RELN: variants seen among roughly 807,000 people sequenced by gnomAD.
RELN encodes the protein reelin.
RELN carries 108 observed loss-of-function variants against 427.6 expected under a neutral mutation model. The observed-to-expected ratio is 0.25, with a 90% CI of 0.22 to 0.30. The LOEUF (loss-of-function observed/expected upper bound fraction) is 0.30, where lower values mean the gene tolerates loss of function less well. Among genes scored for constraint, RELN ranks in the 10% least tolerant of loss-of-function variants. The probability of loss-of-function intolerance (pLI) is 1.00; values close to 1 mark genes in which losing one functional copy is unlikely to be tolerated. For synonymous variants in RELN, 1,524 were observed against 1,513.4 expected (o/e 1.01, Z -0.16); for missense variants, 3,715 against 4,302.8 (o/e 0.86, Z 3.82).
intron 3 of RELN, among the ~76,000 whole-genome samples, chr7:103,805,877 C>T (rs372490469): frequency 6.6e-6 from 1 of 152,112 alleles, no homozygotes; most frequent in Non-Finnish European, 1.5e-5. Flanking sequence ...ATCCCAAGAG[C>T]CTTTCTTAAC....
intron 24 of RELN, among the ~76,000 whole-genome samples, chr7:103,601,642 G>C (rs1831670884): frequency 6.6e-6 from 1 of 152,160 alleles, no homozygotes; most frequent in South Asian, 2.1e-4. Context: ...ATTAGGGTTA[G>C]ACACATTGCT....
At position 103,551,213 on chromosome 7, in the gene RELN, G is replaced by A. The variant is rs2117153360; in HGVS notation, c.6156C>T (p.His2052=). 1 of 1,614,110 alleles carries A rather than the reference G, an allele frequency of 6.2e-7. No homozygotes were observed. The highest frequency in any genetic ancestry group is 1.1e-5 in the South Asian group (1 of 91,070). The change falls in exon 41 of 65, where the codon CAC becomes CAT. Residue 2052 remains histidine (H), a synonymous_variant. Coordinates refer to ENST00000428762, the MANE Select transcript of RELN (RefSeq NM_005045.4). Reference sequence around the variant, plus strand: ...TGTGGTAGCAGAGGGGCAGCAGAAGGTGCCAGGTCGCCCCGAAGTCCCTTG... The same window carrying A: ...TGTGGTAGCAGAGGGGCAGCAGAAGATGCCAGGTCGCCCCGAAGTCCCTTG... ...EFSRDFGATW[H]LLLPLCYHSS... is the part of the protein sequence containing the mutation.
At chr7:103,869,349 T>TTTTTTTTTACTTCA (rs1794273675) in intron 2 of RELN, among the ~76,000 whole-genome samples, 2 of 152,066 alleles carry the variant, frequency 1.3e-5, no homozygotes, top group African/African-American at 2.4e-5. Flanking sequence ...GTGCTCTTCT[T>TTTTTTTTTACTTCA]TATACCTTTT....
At chr7:103,875,183 C>A (rs1181563848) in intron 2 of RELN, among the ~76,000 whole-genome samples, 1 of 147,782 alleles carries the variant, frequency 6.8e-6, no homozygotes, top group African/African-American at 2.5e-5. Flanking sequence ...GGATCCCTTC[C>A]TTACACCTTA....
intron 28 of RELN, among the ~76,000 whole-genome samples, chr7:103,588,735 C>T (rs1316998164): frequency 2.6e-5 from 4 of 152,178 alleles, no homozygotes; most frequent in African/African-American, 9.6e-5. Flanking sequence ...CACAACCAGT[C>T]TCCAAATATA....
At chr7:103,711,277 G>GT (rs1218274173) in intron 8 of RELN, among the ~76,000 whole-genome samples, 2 of 152,110 alleles carry the variant, frequency 1.3e-5, no homozygotes, top group African/African-American at 4.8e-5. Flanking sequence ...AACTTTGTAT[G>GT]TTTTTTCCTT....
intron 4 of RELN, among the ~76,000 whole-genome samples, chr7:103,774,253 C>T (rs866013089): frequency 2.5e-4 from 37 of 147,168 alleles, no homozygotes; most frequent in African/African-American, 8.1e-4. Context: ...GCCGAGATTA[C>T]GTCACTGCAC....
At chr7:103,672,929 T>C (rs1312089232) in intron 11 of RELN, among the ~76,000 whole-genome samples, 1 of 152,114 alleles carries the variant, frequency 6.6e-6, no homozygotes, top group Non-Finnish European at 1.5e-5. Flanking sequence ...ACCTGAATTC[T>C]ATCTTATTTT....
At chr7:103,662,351 G>GTACA (rs1833161861) in intron 11 of RELN, among the ~76,000 whole-genome samples, 1 of 152,166 alleles carries the variant, frequency 6.6e-6, no homozygotes, top group Non-Finnish European at 1.5e-5. Context: ...AGCAGGCATG[G>GTACA]TGGCTCACAC....
In RELN at chr7:103,720,448, C is replaced by T. The variant is rs35011859; in HGVS notation, c.805+2692G>A. On this transcript the variant is annotated intron_variant, in intron 8 of 64. Transcript: ENST00000428762. ...CACTTAGGTTATAATAATAGAATTCCCTAGAAAACTGCTTGAATCATTGTG... is the reference window on the plus strand; with the variant it reads ...CACTTAGGTTATAATAATAGAATTCTCTAGAAAACTGCTTGAATCATTGTG... Among the ~76,000 whole-genome samples the T allele has an allele frequency of 4.6e-3, 703 of 152,030 alleles. 3 individuals are homozygous for T. The highest frequency in any genetic ancestry group is 8.0e-3 in the Non-Finnish European group (546 of 67,962).
intron 2 of RELN, among the ~76,000 whole-genome samples, chr7:103,838,639 C>T (rs1296669604): frequency 6.6e-6 from 1 of 152,154 alleles, no homozygotes; most frequent in Non-Finnish European, 1.5e-5. Flanking sequence ...TGGAAAATGA[C>T]AAGTCTGCAG....
intron 1 of RELN, among the ~76,000 whole-genome samples, chr7:103,924,985 TACACATACACACACACACACAC>T (rs1185280723): frequency 0.023 from 3,182 of 137,618 alleles, 140 homozygotes; most frequent in African/African-American, 0.081. Context: ...TGCATGCGCA[TACACATACACACACACACACAC>T]ACACACACAC....
chr7:103,574,166 A>G lies in RELN; in HGVS notation c.4437T>C (p.Asp1479=), dbSNP rs200920818. Residue 1479 remains aspartate (D), a synonymous_variant, in exon 30 of 65, where the codon GAT becomes GAC. Transcript: ENST00000428762. ...GGCCATTGAAGTAGAGAGATTTGCC[A>G]TCGTTAAGTGTTCCACAGCCAGTTC... The part of the protein sequence containing the change: ...QVGTGCGTLN[D]GKSLYFNGPG... 12 of 1,614,064 alleles carry G rather than the reference A, an allele frequency of 7.4e-6. No individual in the cohort carries two copies. Among genetic ancestry groups the G allele is most frequent in the Non-Finnish European group, 1.0e-5 (12 of 1,180,026 alleles).
At chr7:103,501,073 CTCTTA>C in intron 52 of RELN, 151 bp from the exon 53 acceptor site, 1 of 716,590 alleles carries the variant, frequency 1.4e-6, no homozygotes, top group East Asian at 2.7e-5. Context: ...TTTCTGACCA[CTCTTA>C]TCTTTCTAGT....
intron 1 of RELN, among the ~76,000 whole-genome samples, chr7:103,925,629 G>T (rs1274316358): frequency 6.6e-6 from 1 of 152,038 alleles, no homozygotes; most frequent in African/African-American, 2.4e-5. Context: ...TCATCCTTTT[G>T]TTCTTGCTTT....
chr7:103,584,861 T>A (rs1006193036), intron 28 of RELN, among the ~76,000 whole-genome samples: 2 of 152,144 alleles, frequency 1.3e-5, no homozygotes, highest in Admixed American at 6.5e-5. Context: ...ATAGTAAGTA[T>A]CTTCTTAGAC....
At chr7:103,876,510 T>C (rs1794481975) in intron 2 of RELN, among the ~76,000 whole-genome samples, 1 of 152,170 alleles carries the variant, frequency 6.6e-6, no homozygotes, top group South Asian at 2.1e-4. Flanking sequence ...AAATATGTTA[T>C]TACTAACATT....
chr7:103,726,344 C>T (rs1739838070), intron 7 of RELN, among the ~76,000 whole-genome samples: 1 of 152,122 alleles, frequency 6.6e-6, no homozygotes, highest in Admixed American at 6.6e-5. Context: ...CCCTTTGAAT[C>T]TCACCATACA....
At chr7:103,500,667 T>G in intron 53 of RELN, 78 bp downstream of exon 53, 1 of 1,432,322 alleles carries the variant, frequency 7.0e-7, no homozygotes. Flanking sequence ...TGTTATAGAT[T>G]ATGTCTCATA....
Sources: allele counts gnomAD v4.1 joint callset (sites outside exome capture counted in the v4.1 genomes callset), GRCh38; gene constraint gnomAD v4.1.1; transcripts MANE v1.5; gene names NCBI Gene and HGNC (gene_info 2026-07-23, HGNC 2026-07-21).